Variants in ZFHX3 observed in about 807,000 individuals in gnomAD.
ZFHX3 encodes the protein zinc finger homeobox protein 3.
In ZFHX3, 42 loss-of-function variants were observed where a neutral mutation model predicts 279.1. The observed-to-expected ratio is 0.15, with a 90% CI of 0.12 to 0.19. The LOEUF (loss-of-function observed/expected upper bound fraction) is 0.19. ZFHX3 is among the 10% of genes least tolerant of loss of function. The pLI is 1.00. For synonymous variants in ZFHX3, 2,293 were observed against 1,957.8 expected (o/e 1.17, Z -4.52); for missense variants, 4,981 against 4,754.0 (o/e 1.05, Z -1.40).
In ZFHX3 at chr16:72,788,200, G is replaced by C. The variant is rs1416330052; in HGVS notation, c.10076C>G (p.Ser3359Cys). 2 of 1,612,722 alleles carry C rather than the reference G, an allele frequency of 1.2e-6. No homozygotes were observed. Among genetic ancestry groups the C allele is most frequent in the Non-Finnish European group, 1.7e-6 (2 of 1,179,110 alleles). The change falls in exon 10 of 10, where the codon TCC (serine) becomes TGC (cysteine). Residue 3359 changes from serine (S) to cysteine (C), a missense_variant. Around this residue, in one of 7 missense-constraint regions of ZFHX3, gnomAD observed 1,034 missense variants for 786.0 expected, o/e 1.32. Transcript: ENST00000268489. ...SQALMGLSPG[S>C]LLQQYQQYQQ... ...GTATTGCTGGTACTGCTGCAGTAGGGAGCCTGGGGACAGCCCCATCAGGGC... is the reference window on the plus strand; with the variant it reads ...GTATTGCTGGTACTGCTGCAGTAGGCAGCCTGGGGACAGCCCCATCAGGGC...
At chr16:73,338,885 G>C (rs2015971252) in intron 3 of ZFHX3, among the ~76,000 whole-genome samples, 1 of 152,152 alleles carries the variant, frequency 6.6e-6, no homozygotes, top group Non-Finnish European at 1.5e-5. Flanking sequence ...TAGTGGATGA[G>C]TTCTTGCAAG....
chr16:73,044,145 C>T (rs1965211815), intron 1 of ZFHX3, among the ~76,000 whole-genome samples: 1 of 111,744 alleles, frequency 8.9e-6, no homozygotes, highest in Non-Finnish European at 1.7e-5. Context: ...TTTCCCCTGA[C>T]CATAGTTTTT....
chr16:73,521,281 T>A (rs1181890976), intron 2 of ZFHX3, among the ~76,000 whole-genome samples: 1 of 152,172 alleles, frequency 6.6e-6, no homozygotes, highest in East Asian at 1.9e-4. Flanking sequence ...CAGACAATCA[T>A]ATCTACCTTA....
At chr16:73,372,632 T>G (rs554598408) in intron 3 of ZFHX3, among the ~76,000 whole-genome samples, 1 of 152,208 alleles carries the variant, frequency 6.6e-6, no homozygotes, top group Non-Finnish European at 1.5e-5. Context: ...GAAAGGGAAA[T>G]GTAAATTTCA....
intron 1 of ZFHX3, among the ~76,000 whole-genome samples, chr16:73,825,550 C>T (rs1960866810): frequency 8.0e-6 from 1 of 124,546 alleles, no homozygotes; most frequent in Non-Finnish European, 1.6e-5. Flanking sequence ...ACGTTTAAAT[C>T]TTTAATCCAT....
At chr16:73,602,001 A>G (rs577270098) in intron 2 of ZFHX3, among the ~76,000 whole-genome samples, 19 of 152,236 alleles carry the variant, frequency 1.2e-4, no homozygotes, top group African/African-American at 4.6e-4. Flanking sequence ...GTGCGGTGGC[A>G]TATGCCTGTA....
At chr16:73,705,445 G>A (rs1040092649) in intron 1 of ZFHX3, among the ~76,000 whole-genome samples, 2 of 152,204 alleles carry the variant, frequency 1.3e-5, no homozygotes, top group Non-Finnish European at 2.9e-5. Context: ...CCTTGGGCCA[G>A]TATACTCTGA....
intron 4 of ZFHX3, among the ~76,000 whole-genome samples, chr16:72,848,702 G>A (rs943470899): frequency 1.6e-4 from 19 of 120,806 alleles, no homozygotes; most frequent in South Asian, 3.1e-4. Context: ...CCTCTTGCCC[G>A]CCCTCCTGAT....
chr16:73,541,560 C>A (rs1322439868), intron 2 of ZFHX3, among the ~76,000 whole-genome samples: 4 of 152,160 alleles, frequency 2.6e-5, no homozygotes, highest in East Asian at 3.9e-4. Context: ...GAATCCAATT[C>A]TATTTATTTG....
rs116778233 is a variant in ZFHX3, at chr16:73,719,111, A to G, written c.-1607-38871T>C. Among the ~76,000 whole-genome samples, 1,162 of 152,336 alleles carry G rather than the reference A, an allele frequency of 7.6e-3. 14 individuals carry two copies. Among genetic ancestry groups the G allele is most frequent in the African/African-American group, 0.026 (1,063 of 41,582 alleles). ...CAAATCTCCCTGTGTATCAAGAACG[A>G]TAAATAAGAATCTTGGTCACTTTGA... On this transcript the variant is annotated intron_variant, in intron 1 of 17. Coordinates refer to the ZFHX3 transcript ENST00000641206.
In ZFHX3 at chr16:72,909,948, C is replaced by T. The variant is rs976365015; in HGVS notation, c.3217-19986G>A. On this transcript the variant is annotated intron_variant, in intron 3 of 9. Transcript: ENST00000268489. ...TTCATATGCAAATAAGCTGTTTCAACGTGAAAGTCAACACCTATTTAAGAG... is the reference window on the plus strand; with the variant it reads ...TTCATATGCAAATAAGCTGTTTCAATGTGAAAGTCAACACCTATTTAAGAG... Among the ~76,000 whole-genome samples the T allele has an allele frequency of 2.7e-4, 40 of 149,726 alleles. 2 individuals carry two copies. The highest frequency in any genetic ancestry group is 3.0e-5 in the Non-Finnish European group (2 of 67,666).
intron 2 of ZFHX3, among the ~76,000 whole-genome samples, chr16:73,663,444 T>C (rs1168807716): frequency 1.3e-5 from 2 of 152,226 alleles, no homozygotes; most frequent in African/African-American, 4.8e-5. Context: ...GCACAGTTCA[T>C]GTGGAGCACA....
intron 1 of ZFHX3, among the ~76,000 whole-genome samples, chr16:72,978,933 C>T (rs1376177889): frequency 2.6e-5 from 4 of 152,160 alleles, no homozygotes; most frequent in Non-Finnish European, 5.9e-5. Flanking sequence ...CTCACCTAAC[C>T]CTCTAGGACA....
chr16:73,209,800 A>G (rs2011944864), intron 5 of ZFHX3, among the ~76,000 whole-genome samples: 1 of 152,194 alleles, frequency 6.6e-6, no homozygotes, highest in Admixed American at 6.5e-5. Flanking sequence ...TGAGAGAATG[A>G]AAGTGAAAAA....
At chr16:73,734,058 C>T (rs557661862) in intron 1 of ZFHX3, among the ~76,000 whole-genome samples, 28 of 152,228 alleles carry the variant, frequency 1.8e-4, no homozygotes, top group African/African-American at 6.7e-4. Context: ...ATTCTCATAA[C>T]GAGCATGCAA....
intron 1 of ZFHX3, among the ~76,000 whole-genome samples, chr16:73,756,453 C>T (rs2053809905): frequency 6.6e-6 from 1 of 152,062 alleles, no homozygotes; most frequent in African/African-American, 2.4e-5. Context: ...ATCATTCACA[C>T]GACATGAGCT....
intron 1 of ZFHX3, among the ~76,000 whole-genome samples, chr16:72,981,877 CTTTTTTT>C (rs34508059): frequency 3.1e-5 from 4 of 130,718 alleles, no homozygotes; most frequent in Admixed American, 8.0e-5. Flanking sequence ...ACACATTTTC[CTTTTTTT>C]TTTTTTTTTT....
chr16:73,702,658 G>A (rs1567555950), intron 1 of ZFHX3, among the ~76,000 whole-genome samples: 1 of 152,124 alleles, frequency 6.6e-6, no homozygotes, highest in Non-Finnish European at 1.5e-5. Context: ...CGTTATATGT[G>A]GCCTGAAAAG....
intron 2 of ZFHX3, among the ~76,000 whole-genome samples, chr16:73,514,632 G>C (rs149349171): frequency 7.5e-4 from 114 of 152,274 alleles, no homozygotes; most frequent in African/African-American, 2.7e-3. Context: ...TTTGAGATAC[G>C]TGTTATTATT....
Sources: allele counts gnomAD v4.1 joint callset (sites outside exome capture counted in the v4.1 genomes callset), GRCh38; gene constraint gnomAD v4.1.1; regional missense constraint gnomAD v4.1.1; transcripts MANE v1.5; gene names NCBI Gene and HGNC (gene_info 2026-07-23, HGNC 2026-07-21).